Variants in BPTF observed in about 807,000 individuals in gnomAD.
The protein encoded by BPTF is nucleosome-remodeling factor subunit BPTF.
Under a neutral mutation model 292.5 loss-of-function variants are expected in BPTF, and 18 were observed. That is an observed-to-expected ratio of 0.06 (90% CI 0.04 to 0.09). The LOEUF is 0.09. Ranked by LOEUF, BPTF falls within the 10% of genes least tolerant of loss-of-function variation. The pLI, the probability that BPTF is intolerant of heterozygous loss-of-function variation, is 1.00. For synonymous variants in BPTF, 1,225 were observed against 1,251.9 expected (o/e 0.98, Z 0.45); for missense variants, 2,726 against 3,498.7 (o/e 0.78, Z 5.57).
At chr17:67,845,808 C>T (rs2057987537) in intron 1 of BPTF, among the ~76,000 whole-genome samples, 1 of 149,338 alleles carries the variant, frequency 6.7e-6, no homozygotes, top group East Asian at 1.9e-4. Context: ...ATATTTATAA[C>T]TATGTATTTA....
chr17:67,959,837 G>C lies in BPTF; in HGVS notation c.8223G>C (p.Lys2741Asn), dbSNP rs1555683138. ...CAAAGGAAACTAAGAAGGACACAAAGCTTTACTGTATCTGTAAAACGCCTT... is the reference window on the plus strand; with the variant it reads ...CAAAGGAAACTAAGAAGGACACAAACCTTTACTGTATCTGTAAAACGCCTT... ...TTSKETKKDT[K>N]LYCICKTPYD... is the part of the protein sequence containing the mutation. The change falls in exon 24 of 28, where the codon AAG becomes AAC. Residue 2741 changes from lysine (K) to asparagine (N), a missense_variant. Lys to Asn is a moderately conservative substitution (Grantham distance 94). Transcript: ENST00000306378. 6.2e-7 allele frequency: 1 copy of C among 1,611,528 alleles called. No individual in the cohort carries two copies. The highest frequency in any genetic ancestry group is 1.3e-5 in the African/African-American group (1 of 74,748).
chr17:67,954,188 T>C (rs1189106270), intron 23 of BPTF, among the ~76,000 whole-genome samples: 6 of 151,006 alleles, frequency 4.0e-5, no homozygotes, highest in East Asian at 2.0e-4. Flanking sequence ...TTTGTTGTTA[T>C]TGTTGTTGTC....
At chr17:67,932,130 C>A in intron 18 of BPTF, 111 bp downstream of exon 18, 1 of 852,240 alleles carries the variant, frequency 1.2e-6, no homozygotes, top group Non-Finnish European at 1.8e-6. Flanking sequence ...ATTAGTACTT[C>A]AAAGCATACT....
chr17:67,838,987 G>T (rs2057349018), intron 1 of BPTF, among the ~76,000 whole-genome samples: 1 of 151,968 alleles, frequency 6.6e-6, no homozygotes, highest in Non-Finnish European at 1.5e-5. Context: ...CTTTTGCTTT[G>T]ATTGGAATAA....
intron 15 of BPTF, among the ~76,000 whole-genome samples, chr17:67,926,613 C>T (rs1206859935): frequency 2.0e-5 from 3 of 152,108 alleles, no homozygotes; most frequent in Admixed American, 6.5e-5. Flanking sequence ...CGTGAGCCAC[C>T]GCACCCAGCC....
intron 7 of BPTF, among the ~76,000 whole-genome samples, chr17:67,903,117 CT>C (rs2061960028): frequency 6.6e-6 from 1 of 152,252 alleles, no homozygotes; most frequent in African/African-American, 2.4e-5. Flanking sequence ...CATCCTTCCT[CT>C]CTTTCTCGAA....
intron 4 of BPTF, chr17:67,875,865 CCATCCCCATT>C (rs1278386332): frequency 2.5e-5 from 21 of 825,724 alleles, no homozygotes; most frequent in Non-Finnish European, 2.8e-5. Context: ...GCTTACAGTG[CCATCCCCATT>C]TGCTAAATTG....
chr17:67,898,989 TATAA>T (rs2061641389), intron 7 of BPTF, among the ~76,000 whole-genome samples: 1 of 152,082 alleles, frequency 6.6e-6, no homozygotes, highest in East Asian at 1.9e-4. Flanking sequence ...AAATAAAACT[TATAA>T]ATATTGTCAA....
intron 20 of BPTF, among the ~76,000 whole-genome samples, chr17:67,945,000 C>T (rs1384782186): frequency 4.6e-5 from 7 of 152,064 alleles, no homozygotes; most frequent in Non-Finnish European, 5.9e-5. Context: ...AAGGCATAGA[C>T]CTTCTGTACC....
chr17:67,937,176 C>T (rs1468418428), intron 18 of BPTF, among the ~76,000 whole-genome samples: 3 of 152,066 alleles, frequency 2.0e-5, no homozygotes, highest in Non-Finnish European at 2.9e-5. Flanking sequence ...AAAGTACTGG[C>T]CGGGCGCGAT....
At chr17:67,961,790 A>T (rs1193189884) in intron 24 of BPTF, among the ~76,000 whole-genome samples, 1 of 152,090 alleles carries the variant, frequency 6.6e-6, no homozygotes, top group African/African-American at 2.4e-5. Flanking sequence ...CCTGGCCAAC[A>T]TGGCAAAACC....
At chr17:67,829,561 AT>A (rs1462886061) in intron 1 of BPTF, among the ~76,000 whole-genome samples, 1 of 149,648 alleles carries the variant, frequency 6.7e-6, no homozygotes, top group African/African-American at 2.5e-5. Context: ...CAGTGAGTTG[AT>A]TAGGCTAAGT....
At chr17:67,857,667 A>G (rs1050663281) in intron 2 of BPTF, among the ~76,000 whole-genome samples, 2 of 149,432 alleles carry the variant, frequency 1.3e-5, no homozygotes, top group African/African-American at 2.5e-5. Flanking sequence ...GGGTTTCACC[A>G]TGTTACTCAG....
At position 67,911,937 on chromosome 17, in the gene BPTF, C is replaced by T. The variant is rs1197559061; in HGVS notation, c.4053C>T (p.Val1351=). The T allele has an allele frequency of 1.2e-6, 2 of 1,613,976 alleles. No individual in the cohort carries two copies. Among genetic ancestry groups the T allele is most frequent in the Non-Finnish European group, 1.7e-6 (2 of 1,180,022 alleles). The change falls in exon 11 of 28, where the codon GTC becomes GTT. Residue 1351 remains valine, a synonymous_variant. Transcript: ENST00000306378. ...STGNCEDRLP[V]KGTEANGKKP... is the part of the protein sequence containing the mutation. Reference sequence around the variant, plus strand: ...GAAACTGTGAGGACAGGCTGCCGGTCAAGGGGACTGAAGCAAATGGTAAAA... The same window carrying T: ...GAAACTGTGAGGACAGGCTGCCGGTTAAGGGGACTGAAGCAAATGGTAAAA...
chr17:67,918,948 G>A (rs1299401284), intron 12 of BPTF, 110 bp downstream of exon 12: 2 of 1,144,094 alleles, frequency 1.7e-6, no homozygotes, highest in Non-Finnish European at 2.4e-6. Flanking sequence ...TGAGGCAGGT[G>A]GATCATGAGG....
intron 19 of BPTF, 113 bp from the exon 20 acceptor site, chr17:67,944,037 T>C: frequency 2.4e-6 from 2 of 818,274 alleles, no homozygotes; most frequent in Non-Finnish European, 4.0e-6. Flanking sequence ...GACATTCAAA[T>C]ATGTATTTTC....
intron 13 of BPTF, 78 bp from the exon 14 acceptor site, chr17:67,922,762 T>G: frequency 1.3e-6 from 2 of 1,483,708 alleles, no homozygotes; most frequent in Non-Finnish European, 1.8e-6. Context: ...CCAACCACTT[T>G]TTCATGATAG....
Position 67,892,405 on chromosome 17 carries a change from A to C in BPTF, c.2055+371A>C, listed in dbSNP as rs1380959793. Among the ~76,000 whole-genome samples, 4 of 152,232 alleles carry C rather than the reference A, an allele frequency of 2.6e-5. No homozygotes were observed. The East Asian group carries it at 7.7e-4, about 29-fold the overall frequency. ...GATGATTCACTGCTCAGTTCTAGCT[A>C]TGATCACTTCAGGTGAACCTGCAGC... On this transcript the variant is annotated intron_variant, in intron 5 of 27. Transcript: ENST00000306378.
chr17:67,868,400 C>T (rs1327732782), intron 3 of BPTF, among the ~76,000 whole-genome samples: 1 of 152,160 alleles, frequency 6.6e-6, no homozygotes, highest in Admixed American at 6.5e-5. Flanking sequence ...CCAGAGCCCT[C>T]TGCAGATAGC....
Sources: gnomAD v4.1 joint callset for allele counts (sites outside exome capture counted in the v4.1 genomes callset) on GRCh38, gnomAD v4.1.1 for gene constraint, MANE v1.5 for transcripts, NCBI Gene and HGNC (gene_info 2026-07-23, HGNC 2026-07-21) for gene names.